Variants in CSNK1G3 observed in about 807,000 individuals in gnomAD.
CSNK1G3 encodes the protein casein kinase I isoform gamma-3.
In CSNK1G3, 23 loss-of-function variants were observed where a neutral mutation model predicts 64.3. The observed-to-expected ratio is 0.36, with a 90% CI of 0.26 to 0.51. The LOEUF (loss-of-function observed/expected upper bound fraction) is 0.51, where lower values mean the gene tolerates loss of function less well. Ranked by LOEUF, CSNK1G3 falls within the 20% of genes least tolerant of loss-of-function variation. CSNK1G3 has a pLI of 0.96. For synonymous variants in CSNK1G3, 158 were observed against 162.2 expected, an observed-to-expected ratio of 0.97 and a Z score of 0.20; for missense variants, 357 against 510.5, an observed-to-expected ratio of 0.70 and a Z score of 2.90.
chr5:123,554,632 G>T (rs148662502), intron 3 of CSNK1G3, among the ~76,000 whole-genome samples: 1 of 152,190 alleles, frequency 6.6e-6, no homozygotes, highest in Non-Finnish European at 1.5e-5. Flanking sequence ...CAGCCTGGAC[G>T]TTGTTTGAAC....
intron 5 of CSNK1G3, 109 bp downstream of exon 5, chr5:123,573,650 C>G (rs754592662): frequency 3.4e-5 from 33 of 972,422 alleles, no homozygotes; most frequent in Non-Finnish European, 4.6e-5. Flanking sequence ...GAGCGTTTGA[C>G]GTAATACAAA....
chr5:123,556,855 G>A lies in CSNK1G3; in HGVS notation c.220-640G>A, dbSNP rs560516517. ...TGATAAAAGCTGGACACAACAGAAA[G>A]CATATACTGTATAATATCATTTAGG... On this transcript the variant is annotated intron_variant, in intron 3 of 12. Coordinates refer to ENST00000345990, the Ensembl canonical transcript of CSNK1G3. Among the ~76,000 whole-genome samples the A allele has an allele frequency of 1.2e-3, 182 of 151,798 alleles. 1 individual carries two copies. The highest frequency in any genetic ancestry group is 0.01 in the Middle Eastern group (3 of 294).
chr5:123,545,732 A>G (rs754241218), exon 2 of CSNK1G3: 3 of 1,613,642 alleles, frequency 1.9e-6, no homozygotes, highest in Admixed American at 1.7e-5. Context: ...GTCGATCGGG[A>G]CACAACACTC....
intron 1 of CSNK1G3, among the ~76,000 whole-genome samples, chr5:123,516,507 A>G (rs1051915393): frequency 2.6e-5 from 4 of 152,142 alleles, no homozygotes; most frequent in East Asian, 1.9e-4. Flanking sequence ...CTATTATGAA[A>G]CCTAAGGAAA....
chr5:123,532,081 T>C (rs1780028275), intron 1 of CSNK1G3, among the ~76,000 whole-genome samples: 1 of 151,844 alleles, frequency 6.6e-6, no homozygotes, highest in Non-Finnish European at 1.5e-5. Context: ...TTTAAGAATA[T>C]TTAGGTATTT....
chr5:123,525,220 CTT>C (rs910945450), intron 1 of CSNK1G3, among the ~76,000 whole-genome samples: 2 of 136,152 alleles, frequency 1.5e-5, no homozygotes, highest in Non-Finnish European at 1.6e-5. Flanking sequence ...TTGTTTCTGT[CTT>C]TTTTTTTTTT....
intron 12 of CSNK1G3, among the ~76,000 whole-genome samples, chr5:123,606,425 T>A (rs1795374946): frequency 6.6e-6 from 1 of 152,188 alleles, no homozygotes. Context: ...CGACTGCACA[T>A]GTCCTTTGCA....
intron 1 of CSNK1G3, among the ~76,000 whole-genome samples, chr5:123,529,902 C>T (rs571324103): frequency 5.3e-5 from 8 of 151,890 alleles, no homozygotes; most frequent in African/African-American, 1.9e-4. Flanking sequence ...TTTGGGAGAC[C>T]AAGGCAGGCA....
chr5:123,579,031 T>A (rs1357533139), intron 6 of CSNK1G3, among the ~76,000 whole-genome samples: 1 of 151,934 alleles, frequency 6.6e-6, no homozygotes, highest in Admixed American at 6.6e-5. Context: ...TCACTGCTGC[T>A]CAAAAGTACC....
rs901890799 is a variant in CSNK1G3 at position 123,530,552 on chromosome 5, C to G, written c.-247-14865C>G. 1.2e-4 allele frequency among the ~76,000 whole-genome samples: 19 copies of G among 152,012 alleles called. 1 individual carries two copies. The highest frequency in any genetic ancestry group is 1.5e-5 in the Non-Finnish European group (1 of 67,992). On this transcript the variant is annotated intron_variant, in intron 1 of 12. Transcript: ENST00000345990. ...ACATATGTACTTTCCATTTTCTTTC[C>G]TGTTTGGTACTATTTTATTAAAAAA...
intron 10 of CSNK1G3, among the ~76,000 whole-genome samples, chr5:123,595,804 G>A (rs867660360): frequency 9.2e-5 from 14 of 151,622 alleles, no homozygotes; most frequent in Non-Finnish European, 1.9e-4. Context: ...TCTGCCCTCC[G>A]TTGCCCCATA....
At chr5:123,540,595 C>G (rs1781524039) in intron 1 of CSNK1G3, among the ~76,000 whole-genome samples, 1 of 151,772 alleles carries the variant, frequency 6.6e-6, no homozygotes, top group Non-Finnish European at 1.5e-5. Context: ...AATTTTGGGA[C>G]TCTTCTAGAT....
At chr5:123,553,026 C>A in intron 2 of CSNK1G3, 81 bp from the exon 3 acceptor site, 1 of 756,632 alleles carries the variant, frequency 1.3e-6, no homozygotes, top group Non-Finnish European at 2.1e-6. Flanking sequence ...GTATTATGTG[C>A]TTTTTTTCAG....
intron 4 of CSNK1G3, among the ~76,000 whole-genome samples, chr5:123,565,993 A>G (rs1786796915): frequency 6.6e-6 from 1 of 152,192 alleles, no homozygotes; most frequent in Non-Finnish European, 1.5e-5. Flanking sequence ...ACTGTTTTAC[A>G]TTTTACATGA....
chr5:123,593,228 C>CACAT (rs761508982), intron 10 of CSNK1G3, among the ~76,000 whole-genome samples: 33 of 147,848 alleles, frequency 2.2e-4, no homozygotes, highest in East Asian at 5.8e-4. Context: ...CACACACACA[C>CACAT]ATATATATAA....
chr5:123,585,077 G>A (rs1791056650), intron 6 of CSNK1G3, among the ~76,000 whole-genome samples: 1 of 151,792 alleles, frequency 6.6e-6, no homozygotes. Context: ...TCATTATTTT[G>A]TCCTTCTGTT....
At chr5:123,512,411 C>CCTCGCTCGCTCG (rs145247532) in exon 1 of CSNK1G3, 1 of 152,068 alleles carries the variant, frequency 6.6e-6, no homozygotes, top group Non-Finnish European at 1.5e-5. Context: ...TTCCCCCCTA[C>CCTCGCTCGCTCG]CTCGCTCGCT....
At chr5:123,528,391 T>C (rs1178669532) in intron 1 of CSNK1G3, among the ~76,000 whole-genome samples, 1 of 152,196 alleles carries the variant, frequency 6.6e-6, no homozygotes, top group African/African-American at 2.4e-5. Flanking sequence ...TGTTCATTCA[T>C]TTATTCACTT....
chr5:123,588,619 T>C, intron 8 of CSNK1G3, 108 bp downstream of exon 8: 1 of 747,034 alleles, frequency 1.3e-6, no homozygotes, highest in Non-Finnish European at 2.2e-6. Flanking sequence ...AAAAAAGAGC[T>C]AAAAATATGA....
Sources: gnomAD v4.1 joint callset for allele counts (sites outside exome capture counted in the v4.1 genomes callset) on GRCh38, gnomAD v4.1.1 for gene constraint, MANE v1.5 for transcripts, NCBI Gene and HGNC (gene_info 2026-07-23, HGNC 2026-07-21) for gene names.